Variants in TENM2 observed in about 807,000 individuals in gnomAD.
TENM2 encodes the protein teneurin transmembrane protein 2, also known as teneurin-2.
In TENM2, 52 loss-of-function variants were observed where a neutral mutation model predicts 245.2. That is an observed-to-expected ratio of 0.21 (90% CI 0.17 to 0.27). The LOEUF is 0.27. TENM2 is among the 10% of genes least tolerant of loss of function. TENM2 has a pLI of 1.00. For missense variants in TENM2, 3,046 were observed against 3,666.8 expected (o/e 0.83, Z 4.37); for synonymous variants, 1,363 against 1,438.9 (o/e 0.95, Z 1.19).
intron 2 of TENM2, among the ~76,000 whole-genome samples, chr5:167,520,089 T>G (rs1770655600): frequency 6.6e-6 from 1 of 152,194 alleles, no homozygotes; most frequent in African/African-American, 2.4e-5. Context: ...GAAGTTAAAA[T>G]TAGAGTTAAT....
chr5:167,836,556 A>C (rs1292036646), intron 2 of TENM2, among the ~76,000 whole-genome samples: 1 of 152,206 alleles, frequency 6.6e-6, no homozygotes, highest in East Asian at 1.9e-4. Flanking sequence ...ACAAAAAAAT[A>C]ATAAATAGAG....
At chr5:167,575,824 T>A (rs1774628849) in intron 2 of TENM2, among the ~76,000 whole-genome samples, 1 of 152,252 alleles carries the variant, frequency 6.6e-6, no homozygotes, top group Admixed American at 6.5e-5. Flanking sequence ...CATGTAATTT[T>A]TTTTCAGCTT....
chr5:167,100,340 G>A, the TENM2 span, among the ~76,000 whole-genome samples: 3 of 152,094 alleles, frequency 2.0e-5, no homozygotes, highest in Admixed American at 6.6e-5. Flanking sequence ...GCAATGGGAG[G>A]AGGTGATGCT....
chr5:167,631,613 G>A (rs1778879378), intron 2 of TENM2, among the ~76,000 whole-genome samples: 1 of 152,116 alleles, frequency 6.6e-6, no homozygotes, highest in African/African-American at 2.4e-5. Flanking sequence ...ACAGAAATGA[G>A]CTGTCGCTGA....
the TENM2 span, among the ~76,000 whole-genome samples, chr5:167,203,355 A>G: frequency 6.6e-6 from 1 of 152,098 alleles, no homozygotes; most frequent in Non-Finnish European, 1.5e-5. Flanking sequence ...GTCAAAATCT[A>G]TGCCTCTTTC....
chr5:167,368,199 G>A (rs1214130359), intron 1 of TENM2, among the ~76,000 whole-genome samples: 1 of 151,878 alleles, frequency 6.6e-6, no homozygotes, highest in Admixed American at 6.6e-5. Flanking sequence ...CTATATTTCA[G>A]TTTGTTTAAT....
intron 2 of TENM2, among the ~76,000 whole-genome samples, chr5:167,722,246 T>A (rs1165862917): frequency 6.6e-6 from 1 of 152,202 alleles, no homozygotes. Flanking sequence ...GCTGCATGAT[T>A]AGCCGTTAAT....
At chr5:168,225,761 C>CAAAAAA (rs567948197) in intron 23 of TENM2, among the ~76,000 whole-genome samples, 4 of 57,102 alleles carry the variant, frequency 7.0e-5, no homozygotes, top group Non-Finnish European at 7.8e-5. Context: ...TCCATCATCT[C>CAAAAAA]AAAAAAAAAA....
At chr5:167,044,187 G>A in the TENM2 span, among the ~76,000 whole-genome samples, 1 of 152,116 alleles carries the variant, frequency 6.6e-6, no homozygotes, top group South Asian at 2.1e-4. Flanking sequence ...AAAGTGGCAA[G>A]TGCCCGCACT....
At chr5:167,300,386 C>T (rs958734502) in intron 1 of TENM2, among the ~76,000 whole-genome samples, 2 of 151,990 alleles carry the variant, frequency 1.3e-5, no homozygotes, top group Non-Finnish European at 2.9e-5. Flanking sequence ...AGATCCAGAA[C>T]AGAATAATGC....
At chr5:167,996,528 C>T (rs1382056369) in intron 5 of TENM2, among the ~76,000 whole-genome samples, 1 of 152,166 alleles carries the variant, frequency 6.6e-6, no homozygotes, top group African/African-American at 2.4e-5. Flanking sequence ...CTTCTTCAGG[C>T]AGCTCAGGTA....
At chr5:167,072,008 C>A in the TENM2 span, among the ~76,000 whole-genome samples, 1 of 151,694 alleles carries the variant, frequency 6.6e-6, no homozygotes, top group Non-Finnish European at 1.5e-5. Flanking sequence ...AAGATGCAGC[C>A]ATCAGTCTTA....
chr5:168,065,849 C>A (rs1581202785), intron 7 of TENM2, among the ~76,000 whole-genome samples: 2 of 136,562 alleles, frequency 1.5e-5, no homozygotes, highest in Non-Finnish European at 1.6e-5. Flanking sequence ...CCTCAAAGAA[C>A]AAAGGTTTTT....
chr5:167,787,352 A>G (rs1020585764), intron 2 of TENM2, among the ~76,000 whole-genome samples: 1 of 152,242 alleles, frequency 6.6e-6, no homozygotes, highest in Non-Finnish European at 1.5e-5. Context: ...TACTTGTACA[A>G]TTGCAAATGA....
intron 5 of TENM2, among the ~76,000 whole-genome samples, chr5:168,012,468 C>A (rs1785294984): frequency 1.3e-5 from 2 of 151,748 alleles, no homozygotes; most frequent in Non-Finnish European, 2.9e-5. Flanking sequence ...CATAATGAGA[C>A]CCCTGTCTCT....
chr5:168,031,610 AAGAC>A (rs1787146782), intron 5 of TENM2, among the ~76,000 whole-genome samples: 2 of 151,170 alleles, frequency 1.3e-5, no homozygotes, highest in African/African-American at 2.4e-5. Flanking sequence ...GAAAGAAAGA[AAGAC>A]AGAGGGATCG....
At chr5:167,532,472 G>A (rs1335346118) in intron 2 of TENM2, among the ~76,000 whole-genome samples, 2 of 152,050 alleles carry the variant, frequency 1.3e-5, no homozygotes, top group African/African-American at 2.4e-5. Flanking sequence ...AGCAAGTCAC[G>A]TCTTACGTGG....
At chr5:168,177,922 G>T (rs1258208535) in intron 13 of TENM2, among the ~76,000 whole-genome samples, 5 of 152,204 alleles carry the variant, frequency 3.3e-5, no homozygotes, top group South Asian at 4.1e-4. Flanking sequence ...CAGCAGCCAC[G>T]TTTAGGAATG....
At chr5:166,979,638 G>T in the TENM2 span, among the ~76,000 whole-genome samples, 1 of 152,040 alleles carries the variant, frequency 6.6e-6, no homozygotes, top group African/African-American at 2.4e-5. Flanking sequence ...ATCAGCTGCA[G>T]TTCTCTTTCT....
Sources: allele counts gnomAD v4.1 joint callset (sites outside exome capture counted in the v4.1 genomes callset), GRCh38; gene constraint gnomAD v4.1.1; transcripts MANE v1.5; gene names NCBI Gene and HGNC (gene_info 2026-07-23, HGNC 2026-07-21).